Variants in PSD3 observed in about 807,000 individuals in gnomAD.
PSD3 encodes PH and SEC7 domain-containing protein 3.
PSD3 carries 49 observed loss-of-function variants against 105.5 expected under a neutral mutation model. The observed-to-expected ratio is 0.46, with a 90% confidence interval of 0.37 to 0.59. The LOEUF (loss-of-function observed/expected upper bound fraction) is 0.59. PSD3 is among the 20% of genes least tolerant of loss of function. PSD3 has a pLI of 0.00. For missense variants in PSD3, 1,561 were observed against 1,263.8 expected (o/e 1.24, Z -3.57); for synonymous variants, 557 against 457.8 (o/e 1.22, Z -2.77).
At chr8:18,595,536 G>T (rs918653320) in intron 12 of PSD3, among the ~76,000 whole-genome samples, 1 of 150,590 alleles carries the variant, frequency 6.6e-6, no homozygotes, top group Non-Finnish European at 1.5e-5. Flanking sequence ...GTCTACAAGA[G>T]ACTCACTTTA....
At chr8:19,038,074 G>A (rs1386224631) in intron 1 of PSD3, among the ~76,000 whole-genome samples, 1 of 151,930 alleles carries the variant, frequency 6.6e-6, no homozygotes, top group East Asian at 1.9e-4. Context: ...CTTGAATCCT[G>A]ATCTATCCTT....
At chr8:18,599,797 G>A (rs768272822) in intron 12 of PSD3, among the ~76,000 whole-genome samples, 1 of 152,116 alleles carries the variant, frequency 6.6e-6, no homozygotes, top group African/African-American at 2.4e-5. Flanking sequence ...TGGGGACTTT[G>A]GTATTTAAGG....
At chr8:18,796,259 C>T (rs1256005978) in intron 8 of PSD3, among the ~76,000 whole-genome samples, 2 of 152,014 alleles carry the variant, frequency 1.3e-5, no homozygotes, top group East Asian at 3.9e-4. Context: ...AAACACCTCC[C>T]CAGTGTTTTC....
chr8:18,853,940 A>G (rs749937854), intron 4 of PSD3, among the ~76,000 whole-genome samples: 9 of 152,176 alleles, frequency 5.9e-5, no homozygotes, highest in Admixed American at 1.3e-4. Flanking sequence ...AGAAATTAAC[A>G]TATGATCATT....
At chr8:18,786,593 TG>T (rs1221252964) in intron 8 of PSD3, among the ~76,000 whole-genome samples, 1 of 152,146 alleles carries the variant, frequency 6.6e-6, no homozygotes, top group Non-Finnish European at 1.5e-5. Flanking sequence ...AGCAGTTAGG[TG>T]GGCAAGATGG....
intron 15 of PSD3, among the ~76,000 whole-genome samples, chr8:18,549,863 G>A (rs1042316241): frequency 6.6e-6 from 1 of 152,146 alleles, no homozygotes; most frequent in Non-Finnish European, 1.5e-5. Flanking sequence ...ACAAATTGCT[G>A]TTAATGTGTC....
chr8:18,757,676 T>C (rs1182578942), intron 9 of PSD3, among the ~76,000 whole-genome samples: 8 of 152,238 alleles, frequency 5.3e-5, no homozygotes, highest in Non-Finnish European at 8.8e-5. Flanking sequence ...CCTTCTCACA[T>C]AGACAATTGC....
chr8:18,965,902 C>G (rs1179847265), intron 1 of PSD3, among the ~76,000 whole-genome samples: 1 of 152,222 alleles, frequency 6.6e-6, no homozygotes, highest in African/African-American at 2.4e-5. Flanking sequence ...GGTAATATAA[C>G]ACCCGGGGTT....
chr8:18,771,288 G>C (rs1028134365), intron 8 of PSD3, among the ~76,000 whole-genome samples: 1 of 152,144 alleles, frequency 6.6e-6, no homozygotes, highest in African/African-American at 2.4e-5. Context: ...GCCCTCACTG[G>C]GGACCCATCC....
At chr8:18,571,016 C>T (rs954115618) in intron 14 of PSD3, among the ~76,000 whole-genome samples, 13 of 151,998 alleles carry the variant, frequency 8.6e-5, no homozygotes, top group African/African-American at 2.4e-4. Flanking sequence ...TCCACCACTG[C>T]GCCTGGCTAA....
intron 8 of PSD3, among the ~76,000 whole-genome samples, chr8:18,798,661 A>C (rs1810403217): frequency 6.6e-6 from 1 of 151,762 alleles, no homozygotes; most frequent in South Asian, 2.1e-4. Flanking sequence ...ACTAATCTAT[A>C]CTTACTTAGA....
At chr8:18,638,860 C>A (rs1265103775) in intron 10 of PSD3, among the ~76,000 whole-genome samples, 1 of 152,136 alleles carries the variant, frequency 6.6e-6, no homozygotes, top group Non-Finnish European at 1.5e-5. Flanking sequence ...ATCAAAACAG[C>A]ATGATACTGG....
At chr8:19,065,312 C>G (rs1829039560) in intron 1 of PSD3, among the ~76,000 whole-genome samples, 1 of 152,188 alleles carries the variant, frequency 6.6e-6, no homozygotes. Context: ...TCCTCTTTCT[C>G]TCCATCACCA....
At chr8:18,628,292 A>C (rs954134672) in intron 11 of PSD3, among the ~76,000 whole-genome samples, 2 of 151,996 alleles carry the variant, frequency 1.3e-5, no homozygotes, top group Non-Finnish European at 1.5e-5. Flanking sequence ...ACATAATAAA[A>C]TTGATGAAAA....
At chr8:18,550,359 AT>A (rs1800686770) in intron 15 of PSD3, among the ~76,000 whole-genome samples, 1 of 152,204 alleles carries the variant, frequency 6.6e-6, no homozygotes, top group Non-Finnish European at 1.5e-5. Context: ...ACAAAATGCA[AT>A]TCCAAATGAC....
chr8:18,898,593 G>C (rs1819300422), intron 2 of PSD3, among the ~76,000 whole-genome samples: 1 of 152,038 alleles, frequency 6.6e-6, no homozygotes. Flanking sequence ...TAACATATTA[G>C]CCTACTATTG....
chr8:19,020,088 C>A (rs191912560), intron 1 of PSD3, among the ~76,000 whole-genome samples: 41 of 152,230 alleles, frequency 2.7e-4, no homozygotes, highest in African/African-American at 4.1e-4. Flanking sequence ...TTCATTCATT[C>A]ATGTGACAAA....
intron 4 of PSD3, among the ~76,000 whole-genome samples, chr8:18,861,068 C>T (rs908309942): frequency 1.3e-5 from 2 of 152,138 alleles, no homozygotes; most frequent in Non-Finnish European, 2.9e-5. Flanking sequence ...AAATCCAGGA[C>T]CATTTCCTGA....
rs200830433 is a variant in PSD3, at chr8:18,758,333, T to C, written c.2172+7116A>G. On this transcript the variant is annotated intron_variant, in intron 9 of 15. Transcript: ENST00000327040. ...TAGAAAATATTGAAAAGTAGGGCAA[T>C]TGTCAGTGTTAAATTTCCAATCTTC... 2.4e-4 allele frequency among the ~76,000 whole-genome samples: 36 copies of C among 152,060 alleles called. No homozygotes were observed. In the East Asian group the frequency reaches 5.0e-3, roughly 21 times the overall value.
Sources: gnomAD v4.1 joint callset for allele counts (sites outside exome capture counted in the v4.1 genomes callset) on GRCh38, gnomAD v4.1.1 for gene constraint, MANE v1.5 for transcripts, NCBI Gene and HGNC (gene_info 2026-07-23, HGNC 2026-07-21) for gene names.